The following FZD6 variants were observed in gnomAD, a reference collection of about 807,000 sequenced individuals.
FZD6 encodes the protein frizzled-6.
A neutral mutation model predicts 61.4 loss-of-function variants in FZD6; 49 were observed. That is an observed-to-expected ratio of 0.80 (90% CI 0.63 to 1.01). FZD6 has a LOEUF of 1.01. Among genes scored for constraint, FZD6 ranks in the 50% least tolerant of loss-of-function variants. The probability of loss-of-function intolerance (pLI) is 0.00; values close to 1 mark genes in which losing one functional copy is unlikely to be tolerated. For missense variants in FZD6, 724 were observed against 848.2 expected (o/e 0.85, Z 1.82); for synonymous variants, 265 against 292.2 (o/e 0.91, Z 0.95).
At chr8:103,302,626 T>C (rs1318648742) in intron 2 of FZD6, among the ~76,000 whole-genome samples, 1 of 152,168 alleles carries the variant, frequency 6.6e-6, no homozygotes, top group Non-Finnish European at 1.5e-5. Flanking sequence ...CTTGTCCTGA[T>C]TGGATAAACA....
rs976398573 is a variant in FZD6 at position 103,325,162 on chromosome 8, C to T, written c.1056C>T (p.Asn352=). 6.2e-7 allele frequency: 1 copy of T among 1,614,006 alleles called. No homozygotes were observed. The highest frequency in any genetic ancestry group is 8.5e-7 in the Non-Finnish European group (1 of 1,179,882). ...LLAMNKVEGD[N]ISGVCFVGLY... ...CTATGAACAAAGTTGAAGGAGACAA[C>T]ATTAGTGGAGTTTGCTTTGTTGGCC... The change falls in exon 4 of 7, where the codon AAC becomes AAT. Residue 352 remains asparagine, a synonymous_variant. Coordinates refer to ENST00000358755, the MANE Select transcript of FZD6 (RefSeq NM_003506.4).
rs546322532 is a variant in FZD6 at position 103,315,980 on chromosome 8, G to T, written c.178-2610G>T. 6.6e-5 allele frequency among the ~76,000 whole-genome samples: 10 copies of T among 152,136 alleles called. No individual in the cohort carries two copies. The East Asian group carries it at 1.9e-3, about 29-fold the overall frequency. On this transcript the variant is annotated intron_variant, in intron 2 of 6. Coordinates refer to ENST00000358755, the MANE Select transcript of FZD6 (RefSeq NM_003506.4). ...ATAGATTAATCAGTTTAGCACTTTA[G>T]GCCGTTTCTGTTTATTCTTTCCTAT...
intron 2 of FZD6, among the ~76,000 whole-genome samples, chr8:103,306,669 A>AT: frequency 6.6e-6 from 1 of 151,362 alleles, no homozygotes; most frequent in East Asian, 1.9e-4. Context: ...AGCCCGGCTA[A>AT]TTTTTTTGTA....
intron 2 of FZD6, among the ~76,000 whole-genome samples, chr8:103,313,336 G>A (rs1487350926): frequency 6.6e-6 from 1 of 152,184 alleles, no homozygotes; most frequent in Non-Finnish European, 1.5e-5. Flanking sequence ...CTAATTCAGA[G>A]TACATTTTGG....
intron 3 of FZD6, among the ~76,000 whole-genome samples, chr8:103,319,046 A>G (rs1261013992): frequency 6.6e-6 from 1 of 152,232 alleles, no homozygotes; most frequent in Non-Finnish European, 1.5e-5. Flanking sequence ...GTGCAAAATT[A>G]TGACTGTGAT....
intron 2 of FZD6, 112 bp downstream of exon 2, chr8:103,300,396 AG>A: frequency 2.3e-6 from 2 of 864,358 alleles, no homozygotes; most frequent in Non-Finnish European, 3.9e-6. Flanking sequence ...GTTGTGTACA[AG>A]TTGTGTTTTG....
chr8:103,318,088 G>A (rs565432222), intron 2 of FZD6, among the ~76,000 whole-genome samples: 13 of 152,182 alleles, frequency 8.5e-5, no homozygotes, highest in Non-Finnish European at 1.9e-4. Flanking sequence ...GACTGGATGA[G>A]TTTCCCTTGA....
intron 5 of FZD6, among the ~76,000 whole-genome samples, chr8:103,329,041 A>ATATAT (rs1270889599): frequency 3.6e-5 from 5 of 139,302 alleles, no homozygotes; most frequent in South Asian, 2.3e-4. Flanking sequence ...ATGCACACAC[A>ATATAT]CTATATACAA....
rs1271012175 is a variant in FZD6, at chr8:103,316,401, T to C, written c.178-2189T>C. On this transcript the variant is annotated intron_variant, in intron 2 of 6. Transcript: ENST00000358755. ...TGTTCTGATTACTTCTGGACTAGAT[T>C]TGTAGTTGTCACATGGAGAATTTCT... Among the ~76,000 whole-genome samples, 5 of 152,328 alleles carry C rather than the reference T, an allele frequency of 3.3e-5. No homozygotes were observed. In the East Asian group the frequency reaches 9.6e-4, roughly 29 times the overall value.
rs1815145127 is a variant in FZD6 at position 103,331,841 on chromosome 8, T to C, written c.*332T>C. ...AGATGTACTATGCTATTTTACTTTT[T>C]TGATATAAAATCAAGATATTTCTTT... On this transcript the variant is annotated 3_prime_UTR_variant, in exon 7 of 7. Transcript: ENST00000358755. 1 of 227,248 alleles carries C rather than the reference T, an allele frequency of 4.4e-6. No individual in the cohort carries two copies. Among genetic ancestry groups the C allele is most frequent in the Admixed American group, 5.2e-5 (1 of 19,214 alleles). 14.1% of individuals were successfully genotyped at this position (227,248 alleles called of 1,614,324 possible).
chr8:103,300,215 C>T lies in FZD6; in HGVS notation c.108C>T (p.Ala36=). ...PITVPRCMKM[A]YNMTFFPNLM... Reference sequence around the variant, plus strand: ...CTGTTCCCAGATGTATGAAAATGGCCTACAACATGACGTTTTTCCCTAATC... The same window carrying T: ...CTGTTCCCAGATGTATGAAAATGGCTTACAACATGACGTTTTTCCCTAATC... The change falls in exon 2 of 7, where the codon GCC becomes GCT. Residue 36 remains alanine (A), a synonymous_variant. Transcript: ENST00000358755. 6.2e-7 allele frequency: 1 copy of T among 1,610,466 alleles called. No homozygotes were observed. The highest frequency in any genetic ancestry group is 8.5e-7 in the Non-Finnish European group (1 of 1,176,664).
intron 2 of FZD6, among the ~76,000 whole-genome samples, chr8:103,303,370 C>T (rs1463092521): frequency 1.3e-5 from 2 of 152,182 alleles, no homozygotes; most frequent in South Asian, 2.1e-4. Flanking sequence ...CTGTTTTTAG[C>T]GAACCCTTCT....
chr8:103,313,664 G>A (rs1331496785), intron 2 of FZD6, among the ~76,000 whole-genome samples: 1 of 152,016 alleles, frequency 6.6e-6, no homozygotes, highest in Non-Finnish European at 1.5e-5. Flanking sequence ...TTTCTCTCAA[G>A]TCCCTTCCAA....
rs980802767 is a variant in FZD6, at chr8:103,303,587, T to C, written c.177+3303T>C. Among the ~76,000 whole-genome samples, 4 of 152,220 alleles carry C rather than the reference T, an allele frequency of 2.6e-5. No individual in the cohort carries two copies. In the South Asian group the frequency reaches 6.2e-4, roughly 24 times the overall value. On this transcript the variant is annotated intron_variant, in intron 2 of 6. Transcript: ENST00000358755. Reference sequence around the variant, plus strand: ...AGCATGGTAGAGGCTACATAAAAGCTAAATAAAGAAAAAGGTAGGATTTTA... The same window carrying C: ...AGCATGGTAGAGGCTACATAAAAGCCAAATAAAGAAAAAGGTAGGATTTTA...
rs780099524 is a variant in FZD6, at chr8:103,318,590, C to T, written c.178C>T (p.His60Tyr). ...AACTGTATCTTGATGTCTTTAATAG[C>T]ATTTTCTTCCTCTCGCAAATCTGGA... The part of the protein sequence containing the change: ...DQSIAAVEME[H>Y]FLPLANLECS... Residue 60 changes from histidine (H) to tyrosine (Y), a missense_variant and splice_region_variant, in exon 3 of 7, where the codon CAT becomes TAT. Transcript: ENST00000358755. 37 of 1,570,844 alleles carry T rather than the reference C, an allele frequency of 2.4e-5. No homozygotes were observed. In the South Asian group the frequency reaches 3.7e-4, roughly 16 times the overall value.
chr8:103,299,697 T>C (rs1814094721), intron 1 of FZD6, among the ~76,000 whole-genome samples: 1 of 152,202 alleles, frequency 6.6e-6, no homozygotes, highest in African/African-American at 2.4e-5. Flanking sequence ...TTCCTCCATC[T>C]TACTCTTGCC....
chr8:103,319,452 C>T (rs1190720342), intron 3 of FZD6, among the ~76,000 whole-genome samples: 1 of 152,144 alleles, frequency 6.6e-6, no homozygotes, highest in Admixed American at 6.5e-5. Context: ...GAATGGGTAG[C>T]ACAATCCTGT....
chr8:103,324,817 C>G lies in FZD6; in HGVS notation c.711C>G (p.Tyr237Ter). 6.2e-7 allele frequency: 1 copy of G among 1,612,322 alleles called. No individual in the cohort carries two copies. Among genetic ancestry groups the G allele is most frequent in the Non-Finnish European group, 8.5e-7 (1 of 1,178,376 alleles). The part of the protein sequence containing the change: ...FRYPERPIIY[Y>*]SVCYSIVSLM... Reference sequence around the variant, plus strand: ...ACCCAGAGAGACCAATTATATATTACTCTGTCTGTTACAGCATTGTATCTC... The same window carrying G: ...ACCCAGAGAGACCAATTATATATTAGTCTGTCTGTTACAGCATTGTATCTC... Residue 237 changes from tyrosine (Y) to a stop codon, truncating the protein, a stop_gained, in exon 4 of 7, where the codon TAC becomes TAG. Transcript: ENST00000358755. LOFTEE classifies it high-confidence loss of function.
chr8:103,323,312 C>A (rs554263489), intron 3 of FZD6, among the ~76,000 whole-genome samples: 65 of 141,358 alleles, frequency 4.6e-4, no homozygotes, highest in African/African-American at 1.7e-3. Context: ...GCAAAATTGA[C>A]ATAATATTAT....
Sources: gnomAD v4.1 joint callset for allele counts (sites outside exome capture counted in the v4.1 genomes callset) on GRCh38, gnomAD v4.1.1 for gene constraint, MANE v1.5 for transcripts, NCBI Gene and HGNC (gene_info 2026-07-23, HGNC 2026-07-21) for gene names.